Variants in PRKG1 observed in about 807,000 individuals in gnomAD.
PRKG1 encodes protein kinase cGMP-dependent 1.
Under a neutral mutation model 88.1 loss-of-function variants are expected in PRKG1, and 35 were observed. The ratio of observed to expected loss-of-function variants is 0.40; its 90% CI spans 0.30 to 0.53. The LOEUF (loss-of-function observed/expected upper bound fraction) is 0.53. Among genes scored for constraint, PRKG1 ranks in the 20% least tolerant of loss-of-function variants. The pLI, the probability that PRKG1 is intolerant of heterozygous loss-of-function variation, is 0.59. For synonymous variants in PRKG1, 303 were observed against 292.5 expected (o/e 1.04, Z -0.37); for missense variants, 540 against 839.8 (o/e 0.64, Z 4.41).
At chr10:51,032,087 C>T (rs1843291041) in intron 1 of PRKG1, among the ~76,000 whole-genome samples, 1 of 152,148 alleles carries the variant, frequency 6.6e-6, no homozygotes, top group African/African-American at 2.4e-5. Context: ...GGGAAATCTT[C>T]CAGCTGTTCA....
At chr10:51,070,155 A>G (rs1017760086), upstream of PRKG1, among the ~76,000 whole-genome samples, 1 of 152,130 alleles carries the variant, frequency 6.6e-6, no homozygotes, top group African/African-American at 2.4e-5. Context: ...CCTCAGCTCT[A>G]CATCACCTAG....
At chr10:51,754,320 T>C (rs1415913489) in intron 3 of PRKG1, among the ~76,000 whole-genome samples, 20 of 152,194 alleles carry the variant, frequency 1.3e-4, no homozygotes, top group Admixed American at 1.3e-3. Context: ...TATTGATAAT[T>C]CTCTGGCAAT....
Position 51,491,550 on chromosome 10 carries a change from G to A in PRKG1, c.592+23714G>A, listed in dbSNP as rs564992648. On this transcript the variant is annotated intron_variant, in intron 3 of 17. Transcript: ENST00000373980. ...GGAAAGTCAGTGACTTATTCAAGGCGTTAAAAATGGTTCAGAGCATGACTA... is the reference window on the plus strand; with the variant it reads ...GGAAAGTCAGTGACTTATTCAAGGCATTAAAAATGGTTCAGAGCATGACTA... Among the ~76,000 whole-genome samples, 384 of 152,138 alleles carry A rather than the reference G, an allele frequency of 2.5e-3. 5 individuals carry two copies. The highest frequency in any genetic ancestry group is 0.017 in the Admixed American group (254 of 15,260).
intron 9 of PRKG1, among the ~76,000 whole-genome samples, chr10:52,250,881 T>A (rs1458173347): frequency 6.6e-6 from 1 of 152,142 alleles, no homozygotes; most frequent in African/African-American, 2.4e-5. Flanking sequence ...ACACCACTCA[T>A]ATAAGAAACT....
Position 52,280,921 on chromosome 10 carries a change from T to C in PRKG1, c.1536T>C (p.Tyr512=), listed in dbSNP as rs149159224. 3.7e-6 allele frequency: 6 copies of C among 1,613,360 alleles called. No homozygotes were observed. The East Asian group carries it at 1.3e-4, about 36-fold the overall frequency. ...PENLILDHRG[Y]AKLVDFGFAK... Reference sequence around the variant, plus strand: ...ATCTCATCCTAGATCACCGAGGTTATGCCAAACTGGTCAGTGCATTTCATA... The same window carrying C: ...ATCTCATCCTAGATCACCGAGGTTACGCCAAACTGGTCAGTGCATTTCATA... Residue 512 remains tyrosine (Y), a synonymous_variant, in exon 13 of 18, where the codon TAT becomes TAC. Coordinates refer to ENST00000373980, the MANE Select transcript of PRKG1 (RefSeq NM_006258.4).
intron 1 of PRKG1, among the ~76,000 whole-genome samples, chr10:51,069,295 GA>G (rs1178651380): frequency 6.6e-6 from 1 of 151,680 alleles, no homozygotes; most frequent in African/African-American, 2.4e-5. Context: ...AGTATAACTT[GA>G]AAACAGCCAA....
chr10:51,668,584 G>A (rs909406543), intron 3 of PRKG1, among the ~76,000 whole-genome samples: 1 of 152,094 alleles, frequency 6.6e-6, no homozygotes, highest in Admixed American at 6.6e-5. Flanking sequence ...TGGTGATGTG[G>A]TGAGGGTTAA....
chr10:52,186,592 G>A (rs915793960), intron 9 of PRKG1, among the ~76,000 whole-genome samples: 3 of 151,888 alleles, frequency 2.0e-5, no homozygotes, highest in South Asian at 2.1e-4. Context: ...TCTTTGTTGC[G>A]TTATGTATCT....
At position 51,133,225 on chromosome 10, in the gene PRKG1, A is replaced by G. The variant is rs1845613596; in HGVS notation, c.312-19939A>G. ...ACCAACATCCTATACTATACTCCCA[A>G]TCCCATAAGCACTCCAGCCACACAT... On this transcript the variant is annotated intron_variant, in intron 1 of 17. Transcript: ENST00000373980. 2.0e-5 allele frequency among the ~76,000 whole-genome samples: 3 copies of G among 152,168 alleles called. No homozygotes were observed. In the South Asian group the frequency reaches 6.2e-4, roughly 32 times the overall value.
At chr10:51,812,463 C>T (rs958691252) in intron 4 of PRKG1, among the ~76,000 whole-genome samples, 2 of 152,140 alleles carry the variant, frequency 1.3e-5, no homozygotes, top group African/African-American at 4.8e-5. Context: ...CAGCTGCAGG[C>T]ATTGCAGTTT....
chr10:52,059,638 CTA>C (rs1325261822), intron 6 of PRKG1, among the ~76,000 whole-genome samples: 4 of 151,828 alleles, frequency 2.6e-5, no homozygotes, highest in African/African-American at 4.8e-5. Context: ...AAGGATATGA[CTA>C]TAAATACATA....
chr10:51,270,601 T>G (rs991809417), intron 2 of PRKG1, among the ~76,000 whole-genome samples: 1 of 152,158 alleles, frequency 6.6e-6, no homozygotes, highest in Non-Finnish European at 1.5e-5. Flanking sequence ...ATCACAAAGA[T>G]TCATGCAAGC....
At chr10:51,727,934 T>C (rs899243417) in intron 3 of PRKG1, among the ~76,000 whole-genome samples, 4 of 152,182 alleles carry the variant, frequency 2.6e-5, no homozygotes, top group Admixed American at 2.6e-4. Context: ...CTGTCCAAAT[T>C]GCTGTAACAA....
At chr10:51,827,939 T>C (rs944619373) in intron 4 of PRKG1, among the ~76,000 whole-genome samples, 6 of 152,122 alleles carry the variant, frequency 3.9e-5, no homozygotes, top group African/African-American at 1.4e-4. Context: ...AAACTTTTTA[T>C]TTATGATAAT....
intron 1 of PRKG1, among the ~76,000 whole-genome samples, chr10:51,147,524 A>G (rs993176505): frequency 6.6e-6 from 1 of 152,150 alleles, no homozygotes; most frequent in Non-Finnish European, 1.5e-5. Flanking sequence ...CCCTTTCCAC[A>G]TCATTGTTTT....
At chr10:51,998,131 T>C (rs1844499291) in intron 5 of PRKG1, among the ~76,000 whole-genome samples, 1 of 152,210 alleles carries the variant, frequency 6.6e-6, no homozygotes. Flanking sequence ...TTATCCGGAC[T>C]CTTGATCTAC....
Position 50,991,479 on chromosome 10 carries a change from A to G in PRKG1, c.101A>G (p.Gln34Arg), listed in dbSNP as rs1842781405. 2 of 1,609,920 alleles carry G rather than the reference A, an allele frequency of 1.2e-6. No individual in the cohort carries two copies. The highest frequency in any genetic ancestry group is 1.1e-5 in the South Asian group (1 of 89,964). ...CTGTCAGAGAAGGAGGAAGAAATTCAGGAGCTGAAGAGGAAACTCCACAAA... is the reference window on the plus strand; with the variant it reads ...CTGTCAGAGAAGGAGGAAGAAATTCGGGAGCTGAAGAGGAAACTCCACAAA... Residue 34 changes from glutamine to arginine, a missense_variant, in exon 1 of 18, where the codon CAG becomes CGG. By Grantham distance (43) the Gln-to-Arg change is conservative (BLOSUM62 1). Coordinates refer to the PRKG1 transcript ENST00000401604. The surrounding 1 kb of genome is among the most constrained non-coding windows in gnomAD (Gnocchi z 4.5).
At chr10:51,483,344 G>T (rs1840429205) in intron 3 of PRKG1, among the ~76,000 whole-genome samples, 2 of 152,000 alleles carry the variant, frequency 1.3e-5, no homozygotes, top group African/African-American at 4.8e-5. Context: ...CTATTTTGGT[G>T]CCCTTATGCA....
chr10:51,655,733 T>C (rs1840145131), intron 3 of PRKG1, among the ~76,000 whole-genome samples: 1 of 152,172 alleles, frequency 6.6e-6, no homozygotes, highest in South Asian at 2.1e-4. Context: ...TACTTAGTGA[T>C]AAATACTGTG....
Sources: gnomAD v4.1 joint callset for allele counts (sites outside exome capture counted in the v4.1 genomes callset) on GRCh38, gnomAD v4.1.1 for gene constraint, Gnocchi (gnomAD v3.1) non-coding constraint, MANE v1.5 for transcripts, NCBI Gene and HGNC (gene_info 2026-07-23, HGNC 2026-07-21) for gene names.